Variants in DPF3 observed in about 807,000 individuals in gnomAD.
DPF3 encodes double PHD fingers 3, also known as zinc finger protein DPF3.
In DPF3, 18 loss-of-function variants were observed where a neutral mutation model predicts 56.8. The observed-to-expected ratio is 0.32, with a 90% confidence interval of 0.22 to 0.47. The LOEUF (loss-of-function observed/expected upper bound fraction) is 0.47. Among genes scored for constraint, DPF3 ranks in the 20% least tolerant of loss-of-function variants. The pLI is 1.00. For missense variants in DPF3, 403 were observed against 488.8 expected (o/e 0.82, Z 1.65); for synonymous variants, 188 against 180.2 (o/e 1.04, Z -0.35).
intron 1 of DPF3, among the ~76,000 whole-genome samples, chr14:72,890,818 C>T (rs1599529977): frequency 6.6e-6 from 1 of 152,148 alleles, no homozygotes; most frequent in Non-Finnish European, 1.5e-5. Flanking sequence ...GCCGTGTCCC[C>T]TTTGTGATCT....
intron 8 of DPF3, among the ~76,000 whole-genome samples, chr14:72,645,426 G>T (rs959372734): frequency 4.6e-5 from 7 of 151,468 alleles, no homozygotes; most frequent in African/African-American, 1.7e-4. Context: ...CAGCATCCAC[G>T]TCCCCCTACC....
chr14:72,798,671 C>T (rs1386334405), intron 1 of DPF3, among the ~76,000 whole-genome samples: 1 of 152,224 alleles, frequency 6.6e-6, no homozygotes, highest in Non-Finnish European at 1.5e-5. Context: ...GATCCCTTTC[C>T]CTTTCCAGAG....
intron 6 of DPF3, among the ~76,000 whole-genome samples, chr14:72,708,010 T>TA (rs1888484701): frequency 6.6e-6 from 1 of 151,796 alleles, no homozygotes; most frequent in South Asian, 2.1e-4. Context: ...TCTACCCTAT[T>TA]ATGGGTCATC....
intron 2 of DPF3, among the ~76,000 whole-genome samples, chr14:72,755,666 C>T (rs139901420): frequency 6.6e-6 from 1 of 152,322 alleles, no homozygotes; most frequent in East Asian, 1.9e-4. Flanking sequence ...TAGTCTTGGA[C>T]TCCACACTCA....
At chr14:72,769,952 T>C (rs569216280) in intron 2 of DPF3, among the ~76,000 whole-genome samples, 2 of 152,240 alleles carry the variant, frequency 1.3e-5, no homozygotes, top group East Asian at 3.9e-4. Flanking sequence ...GAACTGTATC[T>C]CACAATAACT....
At chr14:72,659,681 C>A (rs1033533323) in intron 8 of DPF3, among the ~76,000 whole-genome samples, 3 of 152,188 alleles carry the variant, frequency 2.0e-5, no homozygotes, top group Non-Finnish European at 2.9e-5. Flanking sequence ...GGTGCAATCG[C>A]TTCCCATGGA....
intron 9 of DPF3, among the ~76,000 whole-genome samples, chr14:72,622,482 C>T (rs1467090644): frequency 6.6e-6 from 1 of 152,088 alleles, no homozygotes; most frequent in Non-Finnish European, 1.5e-5. Context: ...CAGGACTTGT[C>T]AGAAACAGTG....
intron 1 of DPF3, among the ~76,000 whole-genome samples, chr14:72,809,450 G>A (rs117357849): frequency 0.011 from 1,723 of 152,260 alleles, 15 homozygotes; most frequent in Non-Finnish European, 0.02. Flanking sequence ...AGGTCAGCAC[G>A]GCCACACAAG....
chr14:72,778,436 C>G (rs192761629), intron 1 of DPF3, among the ~76,000 whole-genome samples: 1 of 152,268 alleles, frequency 6.6e-6, no homozygotes, highest in Admixed American at 6.5e-5. Context: ...TCCCATCAAC[C>G]CCAGATGAGA....
At chr14:72,803,658 GT>G (rs1312071614) in intron 1 of DPF3, among the ~76,000 whole-genome samples, 9 of 152,202 alleles carry the variant, frequency 5.9e-5, no homozygotes, top group African/African-American at 2.2e-4. Context: ...TATGAATGCT[GT>G]CTTTTGTTTT....
intron 1 of DPF3, among the ~76,000 whole-genome samples, chr14:72,880,780 C>T (rs72732446): frequency 0.22 from 33,865 of 152,100 alleles, 5,015 homozygotes; most frequent in Non-Finnish European, 0.32. Context: ...TGGGCTCAAG[C>T]GACCTGCCCA....
At chr14:72,642,332 G>C (rs1467107004) in intron 8 of DPF3, among the ~76,000 whole-genome samples, 4 of 152,236 alleles carry the variant, frequency 2.6e-5, no homozygotes, top group African/African-American at 9.6e-5. Context: ...ACAGTAAGGG[G>C]CCTGGCTGAA....
intron 6 of DPF3, among the ~76,000 whole-genome samples, chr14:72,698,930 T>C (rs1888030528): frequency 6.6e-6 from 1 of 152,180 alleles, no homozygotes; most frequent in Admixed American, 6.5e-5. Context: ...AGGTGCTCAA[T>C]GTCAGCTACG....
chr14:72,728,197 C>G (rs956563470), intron 4 of DPF3, among the ~76,000 whole-genome samples: 1 of 152,194 alleles, frequency 6.6e-6, no homozygotes, highest in Admixed American at 6.5e-5. Flanking sequence ...CAGACCTTGA[C>G]TTCAAAATCT....
chr14:72,625,648 A>G (rs1884779105), intron 9 of DPF3, among the ~76,000 whole-genome samples: 1 of 152,236 alleles, frequency 6.6e-6, no homozygotes, highest in Non-Finnish European at 1.5e-5. Flanking sequence ...CAGCTAGGAA[A>G]TAAATGTATG....
At chr14:72,843,103 T>G (rs1860748) in intron 1 of DPF3, among the ~76,000 whole-genome samples, 139,636 of 152,248 alleles carry the variant, frequency 0.92, 64,410 homozygotes, top group East Asian at 1. Flanking sequence ...ATTTTATTTG[T>G]CATGTATCAT....
Position 72,723,624 on chromosome 14 carries a change from C to T in DPF3, c.525+9G>A. ...ATCTCTTTCCTCGCTCATGTCATCC[C>T]CAACTTACCCGTCCTCTAGTCCTGT... On this transcript the variant is annotated intron_variant, in intron 5 of 10. Coordinates refer to ENST00000556509, the MANE Select transcript of DPF3 (RefSeq NM_001280542.3). The T allele has an allele frequency of 6.4e-7, 1 of 1,558,972 alleles. No individual in the cohort carries two copies. Among genetic ancestry groups the T allele is most frequent in the Non-Finnish European group, 8.6e-7 (1 of 1,161,216 alleles).
At chr14:72,661,308 A>G (rs1886201380) in intron 8 of DPF3, 2 of 985,426 alleles carry the variant, frequency 2.0e-6, no homozygotes, top group Non-Finnish European at 2.4e-6. Context: ...AGGAAACCTG[A>G]AAGGACTGGC....
intron 9 of DPF3, among the ~76,000 whole-genome samples, chr14:72,628,159 A>G (rs983975432): frequency 6.6e-6 from 1 of 152,142 alleles, no homozygotes; most frequent in Non-Finnish European, 1.5e-5. Flanking sequence ...AATCATAGTT[A>G]TAGAGATAGT....
Sources: allele counts gnomAD v4.1 joint callset (sites outside exome capture counted in the v4.1 genomes callset), GRCh38; gene constraint gnomAD v4.1.1; transcripts MANE v1.5; gene names NCBI Gene and HGNC (gene_info 2026-07-23, HGNC 2026-07-21).